The following HACE1 variants were observed in gnomAD, a reference collection of about 807,000 sequenced individuals.
The protein encoded by HACE1 is HECT domain and ankyrin repeat containing E3 ubiquitin protein ligase 1.
In HACE1, 73 loss-of-function variants were observed where a neutral mutation model predicts 118.4. That is an observed-to-expected ratio of 0.62 (90% CI 0.51 to 0.75). The LOEUF (loss-of-function observed/expected upper bound fraction) is 0.75. HACE1 is among the 30% of genes least tolerant of loss of function. HACE1 has a pLI of 0.00. For synonymous variants in HACE1, 368 were observed against 374.8 expected, an observed-to-expected ratio of 0.98 and a Z score of 0.21; for missense variants, 749 against 1,102.2, an observed-to-expected ratio of 0.68 and a Z score of 4.54.
chr6:104,769,476 C>T (rs1780388213), intron 19 of HACE1, among the ~76,000 whole-genome samples: 2 of 152,032 alleles, frequency 1.3e-5, no homozygotes, highest in Admixed American at 6.5e-5. Context: ...GAGGGTAGGC[C>T]TCCAGTGTAA....
chr6:104,859,681 C>A lies in HACE1; in HGVS notation c.-39G>T, dbSNP rs1303783963. ...TCCGCGATCCTCCGCGATCAGCCGC[C>A]CCACCGGCGGCCTCCGCGCCCAGAG... On this transcript the variant is annotated 5_prime_UTR_variant, in exon 1 of 24. Transcript: ENST00000262903. 1.2e-5 allele frequency: 18 copies of A among 1,514,320 alleles called. No individual in the cohort carries two copies. The highest frequency in any genetic ancestry group is 1.5e-5 in the Non-Finnish European group (17 of 1,130,612). 93.8% of individuals were successfully genotyped at this position (1,514,320 alleles called of 1,614,324 possible). A position where few individuals can be genotyped will look rare whatever the true frequency, so the allele number is the denominator to read the frequency against.
chr6:104,746,265 G>A (rs568347695), intron 20 of HACE1, among the ~76,000 whole-genome samples: 2 of 152,136 alleles, frequency 1.3e-5, no homozygotes, highest in Non-Finnish European at 1.5e-5. Context: ...AGACCAAAAA[G>A]TTTTAGAACT....
chr6:104,784,535 T>A, intron 12 of HACE1, 50 bp from the exon 13 acceptor site: 1 of 1,247,188 alleles, frequency 8.0e-7, no homozygotes, highest in Non-Finnish European at 1.2e-6. Context: ...GTTTGTGATA[T>A]AATATAGCGA....
chr6:104,825,596 G>A (rs1262987909), intron 6 of HACE1, among the ~76,000 whole-genome samples: 1 of 152,118 alleles, frequency 6.6e-6, no homozygotes, highest in African/African-American at 2.4e-5. Flanking sequence ...TGTTTGCATA[G>A]GGGTGTGACC....
intron 19 of HACE1, among the ~76,000 whole-genome samples, chr6:104,761,182 G>A (rs1779316977): frequency 6.6e-6 from 1 of 152,026 alleles, no homozygotes; most frequent in East Asian, 1.9e-4. Context: ...TTTTTTCACA[G>A]AAATGGAAAA....
chr6:104,800,002 G>C (rs917676682), intron 7 of HACE1, among the ~76,000 whole-genome samples: 2 of 152,134 alleles, frequency 1.3e-5, no homozygotes, highest in African/African-American at 4.8e-5. Flanking sequence ...GGACACTCCT[G>C]CCAAAATACG....
In HACE1 at chr6:104,776,728, CTG is replaced by C. The variant is rs1328571991; in HGVS notation, c.1864+11_1864+12del. The C allele has an allele frequency of 1.3e-6, 2 of 1,484,836 alleles. No individual in the cohort carries two copies. The highest frequency in any genetic ancestry group is 2.3e-5 in the South Asian group (2 of 88,448). 92.0% of individuals were successfully genotyped at this position (1,484,836 alleles called of 1,614,324 possible). ...CAAGTTGCAGAAAAAGTCATCTAGA[CTG>C]TACAACTTACCATCAGCTGACTGGG... is the stretch of plus-strand genomic sequence containing the variant. On this transcript the variant is annotated intron_variant, in intron 17 of 23. Transcript: ENST00000262903.
chr6:104,766,894 G>A (rs758053144), intron 19 of HACE1: 5 of 152,174 alleles, frequency 3.3e-5, no homozygotes, highest in Non-Finnish European at 4.4e-5. Flanking sequence ...TGCACAAGCA[G>A]GCTTGAAATT....
chr6:104,785,448 T>C, intron 11 of HACE1, 129 bp from the exon 12 acceptor site: 1 of 660,764 alleles, frequency 1.5e-6, no homozygotes, highest in Non-Finnish European at 2.7e-6. Context: ...TCTTCCCAAG[T>C]TAACGTGATA....
At chr6:104,762,104 G>C (rs1779422339) in intron 19 of HACE1, among the ~76,000 whole-genome samples, 1 of 152,172 alleles carries the variant, frequency 6.6e-6, no homozygotes, top group Non-Finnish European at 1.5e-5. Context: ...GTTGGTGGGA[G>C]TGTAAATTAG....
chr6:104,784,212 T>C (rs753470173), intron 13 of HACE1, 39 bp from the exon 14 acceptor site: 1 of 1,142,076 alleles, frequency 8.8e-7, no homozygotes, highest in Non-Finnish European at 1.3e-6. Context: ...ACAGGAAGAA[T>C]GAGTAGCATT....
chr6:104,810,231 T>C (rs898307070), intron 7 of HACE1, among the ~76,000 whole-genome samples: 7 of 151,838 alleles, frequency 4.6e-5, no homozygotes, highest in African/African-American at 1.7e-4. Context: ...TGCAAGAAAA[T>C]GGCTGGAATC....
intron 4 of HACE1, among the ~76,000 whole-genome samples, chr6:104,847,305 T>C (rs1015475909): frequency 3.3e-5 from 5 of 152,218 alleles, no homozygotes; most frequent in Non-Finnish European, 5.9e-5. Context: ...TTTTTCTACA[T>C]GTAACCTTTT....
At chr6:104,736,075 G>T (rs1775792880) in intron 22 of HACE1, among the ~76,000 whole-genome samples, 1 of 151,532 alleles carries the variant, frequency 6.6e-6, no homozygotes, top group Non-Finnish European at 1.5e-5. Context: ...GATTGGAAGT[G>T]GTTTTTTTTC....
chr6:104,808,054 C>A (rs1047750429), intron 7 of HACE1, among the ~76,000 whole-genome samples: 3 of 151,928 alleles, frequency 2.0e-5, no homozygotes, highest in Non-Finnish European at 1.5e-5. Context: ...GGTGTGGTGG[C>A]GCATGCCTGT....
chr6:104,760,496 C>T (rs1379493545), intron 19 of HACE1, among the ~76,000 whole-genome samples: 1 of 152,152 alleles, frequency 6.6e-6, no homozygotes, highest in Non-Finnish European at 1.5e-5. Context: ...ATTCAACAGC[C>T]TTTCATGCTA....
At chr6:104,789,999 G>A (rs955435233) in intron 11 of HACE1, among the ~76,000 whole-genome samples, 16 of 151,794 alleles carry the variant, frequency 1.1e-4, no homozygotes, top group Non-Finnish European at 1.9e-4. Context: ...GCTCAAGGAA[G>A]TGGTACGTGA....
At chr6:104,829,183 G>A (rs1773617417) in intron 6 of HACE1, among the ~76,000 whole-genome samples, 1 of 152,012 alleles carries the variant, frequency 6.6e-6, no homozygotes, top group African/African-American at 2.4e-5. Context: ...ACAACAAAAA[G>A]GCCATTCTGA....
At position 104,852,228 on chromosome 6, in the gene HACE1, T is replaced by TGTGTGCGC. The variant is rs142463116; in HGVS notation, c.131+88_131+89insGCGCACAC. On this transcript the variant is annotated intron_variant, in intron 2 of 23. Transcript: ENST00000262903. Reference sequence around the variant, plus strand: ...GTGTGTGTGTGTGTGTGTGTGTGTGTGCGCGCGTGCGCGTGCACGGGCATG... The same window carrying TGTGTGCGC: ...GTGTGTGTGTGTGTGTGTGTGTGTGTGTGTGCGCGCGCGCGTGCGCGTGCACGGGCATG... The TGTGTGCGC allele has an allele frequency of 8.6e-4, 569 of 660,980 alleles. 1 individual carries two copies. The highest frequency in any genetic ancestry group is 2.5e-3 in the African/African-American group (101 of 40,918). The allele number at this position is 660,980 out of a possible 1,614,324, so 40.9% of individuals were successfully genotyped here.
Sources: gnomAD v4.1 joint callset for allele counts (sites outside exome capture counted in the v4.1 genomes callset) on GRCh38, gnomAD v4.1.1 for gene constraint, MANE v1.5 for transcripts, NCBI Gene and HGNC (gene_info 2026-07-23, HGNC 2026-07-21) for gene names.